STAMBP: variants seen among roughly 807,000 people sequenced by gnomAD.
STAMBP encodes the protein STAM-binding protein.
In STAMBP, 31 loss-of-function variants were observed where a neutral mutation model predicts 50.7. The observed-to-expected ratio is 0.61, with a 90% confidence interval of 0.46 to 0.83. The LOEUF (loss-of-function observed/expected upper bound fraction) is 0.83, where lower values mean the gene tolerates loss of function less well. STAMBP is among the 40% of genes least tolerant of loss of function. The pLI is 0.00. For missense variants in STAMBP, 472 were observed against 518.9 expected (o/e 0.91, Z 0.88); for synonymous variants, 211 against 192.4 (o/e 1.10, Z -0.80).
intron 2 of STAMBP, among the ~76,000 whole-genome samples, chr2:73,840,986 G>A (rs934878130): frequency 3.9e-5 from 6 of 151,998 alleles, no homozygotes; most frequent in Non-Finnish European, 5.9e-5. Context: ...TTGCCAATCC[G>A]ATGGATGAAA....
chr2:73,837,124 A>G (rs1674805093), intron 2 of STAMBP, among the ~76,000 whole-genome samples: 1 of 152,228 alleles, frequency 6.6e-6, no homozygotes, highest in African/African-American at 2.4e-5. Context: ...CTCAAAGTAC[A>G]GTAGTAGTAA....
At chr2:73,834,221 AAAAAAAAAAAAAAAAATAT>A (rs1674323931) in intron 2 of STAMBP, among the ~76,000 whole-genome samples, 2 of 21,696 alleles carry the variant, frequency 9.2e-5, no homozygotes, top group Non-Finnish European at 1.7e-4. Flanking sequence ...AAAAAAAAAA[AAAAAAAAAAAAAAAAATAT>A]ATATATATAT....
chr2:73,854,387 A>G (rs1677280671), intron 7 of STAMBP, among the ~76,000 whole-genome samples: 1 of 152,258 alleles, frequency 6.6e-6, no homozygotes, highest in Non-Finnish European at 1.5e-5. Flanking sequence ...TTAGCTACAA[A>G]TGAATAAAAG....
At chr2:73,857,287 C>T (rs1677674761) in intron 7 of STAMBP, among the ~76,000 whole-genome samples, 1 of 152,286 alleles carries the variant, frequency 6.6e-6, no homozygotes, top group African/African-American at 2.4e-5. Context: ...CTTCATCCAA[C>T]CAGGAATTCC....
At chr2:73,844,701 C>T (rs1675843543) in intron 2 of STAMBP, 112 bp from the exon 3 acceptor site, 1 of 805,704 alleles carries the variant, frequency 1.2e-6, no homozygotes, top group Non-Finnish European at 2.0e-6. Context: ...CCCTCCGCTG[C>T]ACTTCTGGAA....
chr2:73,855,748 C>T, intron 7 of STAMBP: 1 of 454,786 alleles, frequency 2.2e-6, no homozygotes, highest in Non-Finnish European at 4.4e-6. Flanking sequence ...CATCACAGCA[C>T]CCTGTGGAAT....
chr2:73,837,412 C>G (rs2104318595), intron 2 of STAMBP, among the ~76,000 whole-genome samples: 1 of 148,644 alleles, frequency 6.7e-6, no homozygotes, highest in Non-Finnish European at 1.5e-5. Context: ...GGTGAAACCC[C>G]ATCTCTACTA....
At chr2:73,871,956 A>G (rs1408497463), downstream of STAMBP, among the ~76,000 whole-genome samples, 3 of 151,560 alleles carry the variant, frequency 2.0e-5, no homozygotes, top group Non-Finnish European at 2.9e-5. Flanking sequence ...TTTTTTTAGT[A>G]TAGACGGGGT....
At chr2:73,859,492 T>C (rs1308893515) in intron 8 of STAMBP, 126 bp downstream of exon 8, 1 of 761,762 alleles carries the variant, frequency 1.3e-6, no homozygotes, top group East Asian at 2.5e-5. Flanking sequence ...TGTAAGTTGG[T>C]TATTCTAAAG....
intron 2 of STAMBP, among the ~76,000 whole-genome samples, chr2:73,833,839 A>G (rs2104188487): frequency 1.3e-5 from 2 of 152,224 alleles, no homozygotes; most frequent in South Asian, 4.1e-4. Context: ...ATGGGAGAAG[A>G]CAATAAACAG....
chr2:73,860,473 G>T, intron 9 of STAMBP: 3 of 724,708 alleles, frequency 4.1e-6, no homozygotes, highest in Non-Finnish European at 5.2e-6. Flanking sequence ...CAGGAAGTAC[G>T]TAATGCAGTT....
intron 9 of STAMBP, among the ~76,000 whole-genome samples, 155 bp downstream of exon 9, chr2:73,860,306 T>G (rs1678187639): frequency 6.6e-6 from 1 of 152,212 alleles, no homozygotes; most frequent in South Asian, 2.1e-4. Flanking sequence ...TGAGAAGCAG[T>G]GTGGGACAGG....
chr2:73,855,589 C>G (rs1397432333), intron 7 of STAMBP: 1 of 455,956 alleles, frequency 2.2e-6, no homozygotes, highest in East Asian at 6.9e-5. Flanking sequence ...GGCCACTGCT[C>G]TTTAGCAGCC....
chr2:73,859,251 C>A lies in STAMBP; in HGVS notation c.1006-3C>A. 5.0e-6 allele frequency: 8 copies of A among 1,613,334 alleles called. No homozygotes were observed. The highest frequency in any genetic ancestry group is 5.9e-6 in the Non-Finnish European group (7 of 1,179,286). On this transcript the variant is annotated splice_region_variant and splice_polypyrimidine_tract_variant and intron_variant, in intron 7 of 9. Coordinates refer to ENST00000394070, the MANE Select transcript of STAMBP (RefSeq NM_213622.4). Reference sequence around the variant, plus strand: ...AGTCCTCTGACTCTTTTTCTCTCCTCAGACTCACCCCACACAGACCGCGTT... The same window carrying A: ...AGTCCTCTGACTCTTTTTCTCTCCTAAGACTCACCCCACACAGACCGCGTT...
chr2:73,838,094 C>G (rs1674946771), intron 2 of STAMBP, among the ~76,000 whole-genome samples: 1 of 152,026 alleles, frequency 6.6e-6, no homozygotes, highest in African/African-American at 2.4e-5. Flanking sequence ...TTACAGAGAC[C>G]CTAATTAGAA....
rs1439745362 is a variant in STAMBP, at chr2:73,847,645, A to G, written c.634A>G (p.Thr212Ala). ...KPSLDVFPTL[T>A]VSSIQPSDCH... Reference sequence around the variant, plus strand: ...CTCCTTAGATGTGTTCCCCACCTTAACAGTCTCATCCATACAGCCTTCAGA... The same window carrying G: ...CTCCTTAGATGTGTTCCCCACCTTAGCAGTCTCATCCATACAGCCTTCAGA... The change falls in exon 5 of 10, where the codon ACA becomes GCA. Residue 212 changes from threonine to alanine, a missense_variant. Thr to Ala is a moderately conservative substitution (Grantham distance 58). Coordinates refer to ENST00000394070, the MANE Select transcript of STAMBP (RefSeq NM_213622.4). 15 of 1,614,188 alleles carry G rather than the reference A, an allele frequency of 9.3e-6. No homozygotes were observed. The highest frequency in any genetic ancestry group is 1.3e-5 in the Non-Finnish European group (15 of 1,180,024).
chr2:73,869,157 C>T, downstream of STAMBP, among the ~76,000 whole-genome samples: 1 of 152,186 alleles, frequency 6.6e-6, no homozygotes, highest in African/African-American at 2.4e-5. Flanking sequence ...AATGGTCAGA[C>T]CTATTAAGAG....
chr2:73,836,065 C>T (rs1021954920), intron 2 of STAMBP, among the ~76,000 whole-genome samples: 3 of 151,446 alleles, frequency 2.0e-5, no homozygotes, highest in Non-Finnish European at 4.4e-5. Context: ...CGCTGTTTTT[C>T]TAAAAATACG....
chr2:73,845,239 T>C lies in STAMBP; in HGVS notation c.352T>C (p.Tyr118His), dbSNP rs768559017. 1.2e-6 allele frequency: 2 copies of C among 1,613,510 alleles called. No homozygotes were observed. The highest frequency in any genetic ancestry group is 1.7e-6 in the Non-Finnish European group (2 of 1,179,520). ...GCTGTTAAAACGATATACCAAAGAATATACAGAATATAATGAAGAAAAGGT... is the reference window on the plus strand; with the variant it reads ...GCTGTTAAAACGATATACCAAAGAACATACAGAATATAATGAAGAAAAGGT... ...AELLKRYTKE[Y>H]TEYNEEKKKE... The change falls in exon 4 of 10, where the codon TAT (tyrosine) becomes CAT (histidine). Residue 118 changes from tyrosine to histidine, a missense_variant. Physicochemically the swap from Tyr to His is moderately conservative, Grantham distance 83. Coordinates refer to ENST00000394070, the MANE Select transcript of STAMBP (RefSeq NM_213622.4).
Sources: gnomAD v4.1 joint callset for allele counts (sites outside exome capture counted in the v4.1 genomes callset) on GRCh38, gnomAD v4.1.1 for gene constraint, MANE v1.5 for transcripts, NCBI Gene and HGNC (gene_info 2026-07-23, HGNC 2026-07-21) for gene names.